The following LPAR6 variants were observed in gnomAD, a reference collection of about 807,000 sequenced individuals.
LPAR6 encodes the protein lysophosphatidic acid receptor 6, also known as G-protein coupled purinergic receptor P2Y5.
Under a neutral mutation model 22.0 loss-of-function variants are expected in LPAR6, and 17 were observed. That is an observed-to-expected ratio of 0.77 (90% confidence interval 0.53 to 1.16). The LOEUF (loss-of-function observed/expected upper bound fraction) is 1.16. LPAR6 is among the 50% of genes most tolerant of loss of function. The pLI, the probability that LPAR6 is intolerant of heterozygous loss-of-function variation, is 0.00. For synonymous variants in LPAR6, 136 were observed against 139.8 expected, an observed-to-expected ratio of 0.97 and a Z score of 0.19; for missense variants, 384 against 406.9, an observed-to-expected ratio of 0.94 and a Z score of 0.48.
At chr13:48,415,207 A>G (rs1313292295), upstream of LPAR6, among the ~76,000 whole-genome samples, 1 of 152,064 alleles carries the variant, frequency 6.6e-6, no homozygotes, top group Non-Finnish European at 1.5e-5. Context: ...ATATTTTTCT[A>G]CATATTGTCA....
chr13:48,430,438 C>T (rs565717401), upstream of LPAR6, among the ~76,000 whole-genome samples: 18 of 152,182 alleles, frequency 1.2e-4, no homozygotes, highest in South Asian at 4.1e-4. Flanking sequence ...AAAATGAGCA[C>T]GTTAGAAAAA....
At chr13:48,419,051 A>G (rs977864441) in intron 2 of LPAR6, among the ~76,000 whole-genome samples, 1 of 152,204 alleles carries the variant, frequency 6.6e-6, no homozygotes, top group African/African-American at 2.4e-5. Flanking sequence ...ATAGACATCT[A>G]CAGAACTCTC....
chr13:48,426,637 C>T (rs1949083292), intron 1 of LPAR6: 1 of 152,230 alleles, frequency 6.6e-6, no homozygotes, highest in Non-Finnish European at 1.5e-5. Context: ...TCCTTCCAGT[C>T]ACTCAAGTAC....
At chr13:48,430,556 G>A (rs1259193137), upstream of LPAR6, among the ~76,000 whole-genome samples, 5 of 152,000 alleles carry the variant, frequency 3.3e-5, no homozygotes, top group Admixed American at 1.3e-4. Context: ...CCTAGCTAAC[G>A]TGGTGAAACC....
At chr13:48,418,048 T>A (rs914830140), upstream of LPAR6, among the ~76,000 whole-genome samples, 1 of 152,134 alleles carries the variant, frequency 6.6e-6, no homozygotes, top group Non-Finnish European at 1.5e-5. Flanking sequence ...AAGATACTCC[T>A]CAAGAAGAGC....
chr13:48,441,678 A>G (rs1949238163), intron 1 of LPAR6, among the ~76,000 whole-genome samples: 1 of 152,188 alleles, frequency 6.6e-6, no homozygotes, highest in Non-Finnish European at 1.5e-5. Flanking sequence ...GTGTTTAATC[A>G]TCAAGCAATT....
At chr13:48,395,227 GA>G in intron 1 of LPAR6, among the ~76,000 whole-genome samples, 1 of 152,272 alleles carries the variant, frequency 6.6e-6, no homozygotes. Context: ...CGTCCACACA[GA>G]AACCCCATTT....
downstream of LPAR6, among the ~76,000 whole-genome samples, chr13:48,410,481 G>A (rs567854853): frequency 6.6e-6 from 1 of 152,148 alleles, no homozygotes; most frequent in South Asian, 2.1e-4. Context: ...TAAGCAACAC[G>A]TGACAGTATA....
rs560373276 is a variant in LPAR6, at chr13:48,402,111, T to C, written n.115-12299A>G. On this transcript the variant is annotated intron_variant and non_coding_transcript_variant, in intron 1 of 1. Transcript: ENST00000462781. ...TGAAATTACTTGTCTTTTACATGAG[T>C]CATAAACAAAAATGAACATAGGATA... 1.1e-4 allele frequency among the ~76,000 whole-genome samples: 17 copies of C among 152,230 alleles called. No individual in the cohort carries two copies. In the East Asian group the frequency reaches 1.7e-3, roughly 16 times the overall value.
chr13:48,406,393 A>G (rs1053207914), downstream of LPAR6, among the ~76,000 whole-genome samples: 1 of 152,174 alleles, frequency 6.6e-6, no homozygotes, highest in East Asian at 1.9e-4. Context: ...AATTTCTCCC[A>G]TTTTAATAAA....
chr13:48,403,168 GCAGT>G (rs1440280163), intron 1 of LPAR6, among the ~76,000 whole-genome samples: 2 of 152,132 alleles, frequency 1.3e-5, no homozygotes, highest in Non-Finnish European at 2.9e-5. Flanking sequence ...TTTTTTAGCA[GCAGT>G]CAAAGGGCTT....
upstream of LPAR6, among the ~76,000 whole-genome samples, chr13:48,430,765 CAAAAAAAAA>C (rs58163880): frequency 6.7e-6 from 1 of 149,958 alleles, no homozygotes; most frequent in Non-Finnish European, 1.5e-5. Flanking sequence ...AACAAACAAA[CAAAAAAAAA>C]AAACAGTAGA....
intron 1 of LPAR6, among the ~76,000 whole-genome samples, chr13:48,432,118 G>A (rs1949136361): frequency 6.6e-6 from 1 of 152,128 alleles, no homozygotes; most frequent in Non-Finnish European, 1.5e-5. Context: ...GTTCTACATA[G>A]GGAGGTCAAA....
rs1025160744 is a variant in LPAR6, at chr13:48,421,737, C to T, written c.-954+913G>A. The stretch of plus-strand genomic sequence containing the variant: ...TGAACTGACACTTCTCAAAAGAAGA[C>T]ATTTATGTGGCCAACAAGCATATGA... On this transcript the variant is annotated intron_variant, in intron 2 of 4. Coordinates refer to the LPAR6 transcript ENST00000345941. Among the ~76,000 whole-genome samples, 3 of 152,156 alleles carry T rather than the reference C, an allele frequency of 2.0e-5. No individual in the cohort carries two copies. In the East Asian group the frequency reaches 5.8e-4, roughly 29 times the overall value.
At chr13:48,436,095 A>C (rs1189086037) in intron 1 of LPAR6, among the ~76,000 whole-genome samples, 5 of 152,228 alleles carry the variant, frequency 3.3e-5, no homozygotes, top group African/African-American at 2.4e-5. Context: ...TTAACTGAGG[A>C]TAATTTTAAG....
chr13:48,416,158 A>G (rs75016337), upstream of LPAR6, among the ~76,000 whole-genome samples: 1,904 of 152,294 alleles, frequency 0.013, 44 homozygotes, highest in African/African-American at 0.039. Context: ...GAACACAGGA[A>G]CAGCTGGAGT....
At chr13:48,402,228 T>C (rs1948698287) in intron 1 of LPAR6, among the ~76,000 whole-genome samples, 1 of 152,160 alleles carries the variant, frequency 6.6e-6, no homozygotes, top group African/African-American at 2.4e-5. Context: ...CCTTTAATAG[T>C]GTACACTTTT....
chr13:48,405,224 C>A (rs1368795462), intron 1 of LPAR6, among the ~76,000 whole-genome samples: 1 of 152,158 alleles, frequency 6.6e-6, no homozygotes, highest in African/African-American at 2.4e-5. Flanking sequence ...AGAATGCCTT[C>A]AACAACAAAA....
In LPAR6 at chr13:48,411,619, C is replaced by G. The variant is rs1376672116; in HGVS notation, c.805G>C (p.Val269Leu). The G allele has an allele frequency of 6.2e-7, 1 of 1,612,088 alleles. No homozygotes were observed. Among genetic ancestry groups the G allele is most frequent in the East Asian group, 2.2e-5 (1 of 44,808 alleles). Residue 269 changes from valine to leucine, a missense_variant, in exon 1 of 1, where the codon GTA becomes CTA. Coordinates refer to ENST00000620633, the MANE Select transcript of LPAR6 (RefSeq NM_001162498.3). ...AGAGTGATTGGGTACATTGTCCTTA[C>G]TGCTGCCACTACTGAGCAATTAACA... ...TFVNCSVVAAVRTMYPITLCI... is the reference protein window; with the variant it reads ...TFVNCSVVAALRTMYPITLCI...
Sources: gnomAD v4.1 joint callset for allele counts (sites outside exome capture counted in the v4.1 genomes callset) on GRCh38, gnomAD v4.1.1 for gene constraint, MANE v1.5 for transcripts, NCBI Gene and HGNC (gene_info 2026-07-23, HGNC 2026-07-21) for gene names.